Variants in SBF2 observed in about 807,000 individuals in gnomAD.
SBF2 encodes SET binding factor 2.
Under a neutral mutation model 225.2 loss-of-function variants are expected in SBF2, and 112 were observed. The observed-to-expected ratio is 0.50, with a 90% CI of 0.43 to 0.58. SBF2 has a LOEUF of 0.58. SBF2 is among the 20% of genes least tolerant of loss of function. The pLI, the probability that SBF2 is intolerant of heterozygous loss-of-function variation, is 0.00. For synonymous variants in SBF2, 763 were observed against 773.3 expected (o/e 0.99, Z 0.22); for missense variants, 1,996 against 2,206.2 (o/e 0.90, Z 1.91).
chr11:9,958,774 G>C (rs888649993), intron 16 of SBF2: 48 of 489,944 alleles, frequency 9.8e-5, no homozygotes, highest in Non-Finnish European at 1.5e-4. Flanking sequence ...ACTCCGGTTT[G>C]AGAAGACACG....
intron 21 of SBF2, among the ~76,000 whole-genome samples, chr11:9,851,332 G>A (rs771825837): frequency 2.0e-5 from 3 of 152,010 alleles, no homozygotes; most frequent in South Asian, 2.1e-4. Flanking sequence ...AGGACTGCAG[G>A]GGACTTTCAC....
At chr11:10,292,284 C>T (rs546078465) in intron 1 of SBF2, among the ~76,000 whole-genome samples, 1 of 152,316 alleles carries the variant, frequency 6.6e-6, no homozygotes, top group Admixed American at 6.5e-5. Context: ...TTAAAGTATT[C>T]TGGGATGACA....
intron 16 of SBF2, among the ~76,000 whole-genome samples, chr11:9,938,577 A>T (rs1357330921): frequency 6.6e-6 from 1 of 152,188 alleles, no homozygotes; most frequent in Non-Finnish European, 1.5e-5. Flanking sequence ...TAGAATAACA[A>T]TCCAGAAATA....
chr11:10,095,625 T>C (rs1951983994), intron 2 of SBF2, among the ~76,000 whole-genome samples: 1 of 152,180 alleles, frequency 6.6e-6, no homozygotes, highest in Admixed American at 6.5e-5. Flanking sequence ...GTATATTTGA[T>C]GAGTCATGTT....
intron 2 of SBF2, among the ~76,000 whole-genome samples, chr11:10,181,197 A>C (rs1337796658): frequency 3.3e-5 from 5 of 152,112 alleles, no homozygotes; most frequent in East Asian, 1.9e-4. Flanking sequence ...TTCTCATATA[A>C]TACTACTAGC....
At chr11:10,222,956 T>G (rs1046245903) in intron 1 of SBF2, among the ~76,000 whole-genome samples, 2 of 152,146 alleles carry the variant, frequency 1.3e-5, no homozygotes, top group African/African-American at 4.8e-5. Flanking sequence ...TATATCATTT[T>G]TATTAATTTA....
In SBF2 at chr11:9,789,174, T is replaced by A. The variant is rs1484644172; in HGVS notation, c.4867A>T (p.Thr1623Ser). The change falls in exon 35 of 40, where the codon ACA becomes TCA. Residue 1623 changes from threonine (T) to serine (S), a missense_variant. Coordinates refer to ENST00000256190, the MANE Select transcript of SBF2 (RefSeq NM_030962.4). ...ACATCATCATAGCATGGCCACACTG[T>A]TCTCCTCTGGCTCCGTGGCCCAGCT... ...GEAGPRSQRR[T>S]VWPCYDDVSC... 2 of 1,614,004 alleles carry A rather than the reference T, an allele frequency of 1.2e-6. No individual in the cohort carries two copies. The highest frequency in any genetic ancestry group is 1.7e-6 in the Non-Finnish European group (2 of 1,180,024).
chr11:10,036,144 G>A (rs187097023), intron 3 of SBF2, among the ~76,000 whole-genome samples: 169 of 152,104 alleles, frequency 1.1e-3, no homozygotes, highest in East Asian at 1.4e-3. Context: ...CATAATTCTC[G>A]GCAAACTAAC....
At chr11:10,258,308 A>G (rs1193261232) in intron 1 of SBF2, among the ~76,000 whole-genome samples, 1 of 152,092 alleles carries the variant, frequency 6.6e-6, no homozygotes, top group Non-Finnish European at 1.5e-5. Context: ...GGGTCTCTCT[A>G]TGTTGCCCAG....
chr11:9,901,230 CA>C lies in SBF2; in HGVS notation c.1861-5220del, dbSNP rs571501457. On this transcript the variant is annotated intron_variant, in intron 16 of 39. Coordinates refer to ENST00000256190, the MANE Select transcript of SBF2 (RefSeq NM_030962.4). Reference sequence around the variant, plus strand: ...ATAAGTAGAAACTTGGAAAGATAAACAGAGCACTGAAGCTAAATTTTAACTT... The same window carrying C: ...ATAAGTAGAAACTTGGAAAGATAAACGAGCACTGAAGCTAAATTTTAACTT... 7.2e-4 allele frequency among the ~76,000 whole-genome samples: 110 copies of C among 152,218 alleles called. 2 individuals are homozygous for C. The South Asian group carries it at 0.022, about 30-fold the overall frequency.
intron 3 of SBF2, among the ~76,000 whole-genome samples, chr11:10,039,840 C>T (rs956878996): frequency 2.0e-5 from 3 of 151,658 alleles, no homozygotes; most frequent in African/African-American, 4.8e-5. Context: ...GAAAAGAACA[C>T]AGGAATCTGT....
chr11:10,154,471 A>T (rs1046153831), intron 2 of SBF2, among the ~76,000 whole-genome samples: 3 of 152,088 alleles, frequency 2.0e-5, no homozygotes, highest in African/African-American at 7.2e-5. Flanking sequence ...AATTTCAGTT[A>T]TCATACTTTT....
intron 16 of SBF2, among the ~76,000 whole-genome samples, chr11:9,946,902 G>T (rs1865596529): frequency 6.6e-6 from 1 of 152,290 alleles, no homozygotes; most frequent in Non-Finnish European, 1.5e-5. Context: ...CACTTAGACA[G>T]ATATAACTGG....
chr11:10,267,782 A>G (rs1962136320), intron 1 of SBF2, among the ~76,000 whole-genome samples: 1 of 152,146 alleles, frequency 6.6e-6, no homozygotes, highest in Non-Finnish European at 1.5e-5. Context: ...TAGCAGTGAA[A>G]GGGAGTTTAA....
chr11:10,155,415 C>A (rs888901820), intron 2 of SBF2, among the ~76,000 whole-genome samples: 1 of 151,962 alleles, frequency 6.6e-6, no homozygotes, highest in Non-Finnish European at 1.5e-5. Context: ...AAGTATGAGG[C>A]CTCCCTGGTT....
chr11:10,186,348 G>C (rs1956933960), intron 2 of SBF2, among the ~76,000 whole-genome samples: 1 of 152,052 alleles, frequency 6.6e-6, no homozygotes, highest in Admixed American at 6.6e-5. Context: ...GACCAGCCTG[G>C]GAAAGACAGA....
At chr11:10,144,155 G>A (rs566087362) in intron 2 of SBF2, among the ~76,000 whole-genome samples, 2 of 151,912 alleles carry the variant, frequency 1.3e-5, no homozygotes, top group African/African-American at 4.8e-5. Context: ...ATATATGCAC[G>A]TAGCCAAAAT....
At chr11:9,826,731 A>ATGTG (rs71453933) in intron 28 of SBF2, among the ~76,000 whole-genome samples, 3 of 64,898 alleles carry the variant, frequency 4.6e-5, no homozygotes, top group South Asian at 1.0e-3. Context: ...ATATATATAT[A>ATGTG]TGTGTGTGTG....
chr11:10,051,197 T>C lies in SBF2; in HGVS notation c.142-8216A>G, dbSNP rs368728438. Among the ~76,000 whole-genome samples the C allele has an allele frequency of 9.9e-5, 15 of 152,158 alleles. No homozygotes were observed. In the East Asian group the frequency reaches 2.3e-3, roughly 23 times the overall value. Reference sequence around the variant, plus strand: ...ATCTGCATCCATAAATGTTTAGCTATTGAGCCATGTTTTAATGTATAACAT... The same window carrying C: ...ATCTGCATCCATAAATGTTTAGCTACTGAGCCATGTTTTAATGTATAACAT... On this transcript the variant is annotated intron_variant, in intron 2 of 39. Transcript: ENST00000256190.
Sources: allele counts gnomAD v4.1 joint callset (sites outside exome capture counted in the v4.1 genomes callset), GRCh38; gene constraint gnomAD v4.1.1; transcripts MANE v1.5; gene names NCBI Gene and HGNC (gene_info 2026-07-23, HGNC 2026-07-21).